The following MCPH1 variants were observed in gnomAD, a reference collection of about 807,000 sequenced individuals.
The protein encoded by MCPH1 is microcephalin.
Under a neutral mutation model 84.5 loss-of-function variants are expected in MCPH1, and 104 were observed. The ratio of observed to expected loss-of-function variants is 1.23; its 90% CI spans 1.05 to 1.45. MCPH1 has a LOEUF of 1.45. Ranked by LOEUF, MCPH1 falls within the 40% of genes most tolerant of loss-of-function variation. The pLI, the probability that MCPH1 is intolerant of heterozygous loss-of-function variation, is 0.00. For synonymous variants in MCPH1, 514 were observed against 366.8 expected (o/e 1.40, Z -4.58); for missense variants, 1,498 against 1,005.7 (o/e 1.49, Z -6.62).
intron 9 of MCPH1, among the ~76,000 whole-genome samples, chr8:6,457,681 G>A (rs1377440988): frequency 6.6e-6 from 1 of 152,152 alleles, no homozygotes. Flanking sequence ...CCCCAGTGCG[G>A]CACCCCGTCC....
rs1273386415 is a variant in MCPH1 at position 6,521,046 on chromosome 8, A to G, written c.2214+21117A>G. On this transcript the variant is annotated intron_variant, in intron 12 of 13. Coordinates refer to ENST00000344683, the MANE Select transcript of MCPH1 (RefSeq NM_024596.5). ...TCCCCTTCTCTTCTTCCTTCATTTT[A>G]ATTGGTAGATATTTCATATGAAATA... 4.6e-6 allele frequency: 3 copies of G among 647,516 alleles called. No homozygotes were observed. In the East Asian group the frequency reaches 8.2e-5, roughly 18 times the overall value. The allele number at this position is 647,516 out of a possible 1,614,324, so 40.1% of individuals were successfully genotyped here. A position where few individuals can be genotyped will look rare whatever the true frequency, so the allele number is the denominator to read the frequency against.
chr8:6,626,247 G>A (rs1832061868), intron 13 of MCPH1: 1 of 985,348 alleles, frequency 1.0e-6, no homozygotes, highest in Non-Finnish European at 1.2e-6. Flanking sequence ...TCACTCAACA[G>A]GGCTCAGTAT....
intron 12 of MCPH1, among the ~76,000 whole-genome samples, chr8:6,599,941 A>G (rs768932689): frequency 8.5e-5 from 13 of 152,212 alleles, no homozygotes; most frequent in Non-Finnish European, 1.6e-4. Flanking sequence ...AGTAACCATT[A>G]CTCTGGGGAA....
intron 12 of MCPH1, among the ~76,000 whole-genome samples, chr8:6,614,431 TACC>T (rs1830594970): frequency 6.6e-6 from 1 of 152,196 alleles, no homozygotes; most frequent in Non-Finnish European, 1.5e-5. Context: ...AATCAAATCT[TACC>T]ACAACTACGT....
rs146705816 is a variant in MCPH1, at chr8:6,415,648, G to A, written c.233+765G>A. ...GGATTACAGGTGTGAGCCACCGTGC[G>A]CGGCCCACACAGTTTTGATTACAGT... On this transcript the variant is annotated intron_variant, in intron 3 of 13. Coordinates refer to ENST00000344683, the MANE Select transcript of MCPH1 (RefSeq NM_024596.5). Among the ~76,000 whole-genome samples the A allele has an allele frequency of 1.4e-3, 218 of 152,154 alleles. 5 individuals carry two copies. The East Asian group carries it at 0.032, about 23-fold the overall frequency.
intron 12 of MCPH1, among the ~76,000 whole-genome samples, chr8:6,570,835 TAAG>T (rs1352341570): frequency 7.1e-6 from 1 of 141,096 alleles, no homozygotes; most frequent in Non-Finnish European, 1.5e-5. Flanking sequence ...TTAACAAACT[TAAG>T]AGATTCCCGA....
At chr8:6,472,946 G>A (rs545647917) in intron 9 of MCPH1, among the ~76,000 whole-genome samples, 1 of 152,236 alleles carries the variant, frequency 6.6e-6, no homozygotes, top group Admixed American at 6.5e-5. Flanking sequence ...TAAACAGAGA[G>A]GTAACATGAT....
At chr8:6,442,198 G>C in intron 7 of MCPH1, 42 bp downstream of exon 7, 1 of 1,251,950 alleles carries the variant, frequency 8.0e-7, no homozygotes, top group Non-Finnish European at 1.2e-6. Context: ...TTTAAGTTTT[G>C]AGAATAATAT....
At position 6,480,709 on chromosome 8, in the gene MCPH1, G is replaced by A; in HGVS notation, c.1974-5G>A. 1 of 1,614,122 alleles carries A rather than the reference G, an allele frequency of 6.2e-7. No homozygotes were observed. The highest frequency in any genetic ancestry group is 1.1e-5 in the South Asian group (1 of 91,066). On this transcript the variant is annotated splice_region_variant and splice_polypyrimidine_tract_variant and intron_variant, in intron 10 of 13. Coordinates refer to ENST00000344683, the MANE Select transcript of MCPH1 (RefSeq NM_024596.5). ...ATTTTGTTAATTTTTCCCCCGATTT[G>A]ACAGAAAGCAGAATGTCGTCATCCA...
chr8:6,599,967 A>G (rs1829234998), intron 12 of MCPH1, among the ~76,000 whole-genome samples: 1 of 152,278 alleles, frequency 6.6e-6, no homozygotes, highest in South Asian at 2.1e-4. Flanking sequence ...TTAGAGATTA[A>G]CAAAGAGGAA....
intron 12 of MCPH1, among the ~76,000 whole-genome samples, chr8:6,537,133 C>A (rs541469580): frequency 6.6e-6 from 1 of 152,230 alleles, no homozygotes; most frequent in African/African-American, 2.4e-5. Flanking sequence ...GGGAGGGGAC[C>A]CGGCTCTTTC....
chr8:6,448,091 G>C (rs1159971785), intron 8 of MCPH1, among the ~76,000 whole-genome samples: 1 of 152,138 alleles, frequency 6.6e-6, no homozygotes, highest in Non-Finnish European at 1.5e-5. Flanking sequence ...GAATGAAGCA[G>C]CGTGCACCCT....
chr8:6,499,801 C>G (rs373751891), intron 11 of MCPH1, 51 bp from the exon 12 acceptor site: 31 of 1,534,772 alleles, frequency 2.0e-5, no homozygotes, highest in Middle Eastern at 4.6e-4. Context: ...GGTTTATTGC[C>G]TGCTAAGGCT....
At chr8:6,427,076 C>T (rs1801167458) in intron 3 of MCPH1, among the ~76,000 whole-genome samples, 1 of 152,174 alleles carries the variant, frequency 6.6e-6, no homozygotes, top group East Asian at 1.9e-4. Context: ...GCATAAACCT[C>T]TACAGCATGT....
intron 12 of MCPH1, chr8:6,620,931 C>G (rs1161847415): frequency 1.2e-5 from 2 of 170,846 alleles, no homozygotes; most frequent in African/African-American, 4.8e-5. Context: ...TCTACTTTTG[C>G]ATTGCCTCAC....
At chr8:6,446,862 A>G (rs1804456196) in intron 8 of MCPH1, 1 of 984,972 alleles carries the variant, frequency 1.0e-6, no homozygotes, top group Non-Finnish European at 1.2e-6. Flanking sequence ...CAGGTGTGTT[A>G]TGTTCTAGAA....
intron 4 of MCPH1, among the ~76,000 whole-genome samples, chr8:6,434,952 A>C (rs6559162): frequency 6.6e-6 from 1 of 152,088 alleles, no homozygotes; most frequent in Non-Finnish European, 1.5e-5. Flanking sequence ...CGGGAAGTCA[A>C]TGGGCAGTTC....
At chr8:6,443,526 A>T (rs1277753634) in intron 7 of MCPH1, among the ~76,000 whole-genome samples, 1 of 152,236 alleles carries the variant, frequency 6.6e-6, no homozygotes, top group Admixed American at 6.5e-5. Context: ...TCTACAAAAC[A>T]CAGGCCCTCC....
At chr8:6,433,657 C>CAAAAAAA (rs1802190027) in intron 4 of MCPH1, among the ~76,000 whole-genome samples, 2 of 119,404 alleles carry the variant, frequency 1.7e-5, no homozygotes, top group Non-Finnish European at 3.4e-5. Flanking sequence ...AAAAAAAAAC[C>CAAAAAAA]TATTTCGTGA....
Sources: gnomAD v4.1 joint callset for allele counts (sites outside exome capture counted in the v4.1 genomes callset) on GRCh38, gnomAD v4.1.1 for gene constraint, MANE v1.5 for transcripts, NCBI Gene and HGNC (gene_info 2026-07-23, HGNC 2026-07-21) for gene names.